The following CEP20 variants were observed in gnomAD, a reference collection of about 807,000 sequenced individuals.
CEP20 encodes the protein FGFR1OP N-terminal like.
In CEP20, 18 loss-of-function variants were observed where a neutral mutation model predicts 20.0. That is an observed-to-expected ratio of 0.90 (90% CI 0.62 to 1.34). The LOEUF (loss-of-function observed/expected upper bound fraction) is 1.34, where lower values mean the gene tolerates loss of function less well. CEP20 is among the 40% of genes most tolerant of loss of function. CEP20 has a pLI of 0.00. For synonymous variants in CEP20, 77 were observed against 73.7 expected (o/e 1.04, Z -0.23); for missense variants, 215 against 201.6 (o/e 1.07, Z -0.40).
chr16:15,874,174 GC>G (rs1181602183), intron 3 of CEP20, among the ~76,000 whole-genome samples: 1 of 152,170 alleles, frequency 6.6e-6, no homozygotes, highest in Non-Finnish European at 1.5e-5. Context: ...CCCTTATAGG[GC>G]TGTTATGCAC....
chr16:15,884,295 G>A, intron 1 of CEP20, 90 bp from the exon 2 acceptor site: 1 of 1,261,854 alleles, frequency 7.9e-7, no homozygotes, highest in Non-Finnish European at 1.1e-6. Flanking sequence ...AAAGGTAAAT[G>A]GTACAAAAAC....
At chr16:15,883,967 G>A (rs2045174687) in intron 2 of CEP20, 41 bp downstream of exon 2, 2 of 1,522,600 alleles carry the variant, frequency 1.3e-6, no homozygotes, top group Non-Finnish European at 1.8e-6. Flanking sequence ...ATTGGGGAAA[G>A]GGGAGAAACA....
chr16:15,872,996 A>C (rs1467026606), intron 4 of CEP20, among the ~76,000 whole-genome samples: 1 of 152,048 alleles, frequency 6.6e-6, no homozygotes, highest in Non-Finnish European at 1.5e-5. Context: ...ACTTGATAAA[A>C]AGCTATTTAT....
intron 3 of CEP20, among the ~76,000 whole-genome samples, chr16:15,878,941 G>A (rs895466199): frequency 4.6e-5 from 7 of 151,448 alleles, no homozygotes; most frequent in Admixed American, 6.6e-5. Flanking sequence ...ATGAGAAAAC[G>A]TAAGGCTTCA....
At position 15,873,599 on chromosome 16, in the gene CEP20, A is replaced by C; in HGVS notation, c.340T>G (p.Phe114Val). The C allele has an allele frequency of 6.2e-7, 1 of 1,614,010 alleles. No homozygotes were observed. The highest frequency in any genetic ancestry group is 8.5e-7 in the Non-Finnish European group (1 of 1,179,898). ...IPLLYGILAH[F>V]LRGTKDGIQN... ...ATGCCATCCTTAGTTCCACGCAAGA[A>C]ATGGGCTAAAATCCCATATAAAAGA... The change falls in exon 4 of 5, where the codon TTC (phenylalanine) becomes GTC (valine). Residue 114 changes from phenylalanine (F) to valine (V), a missense_variant. Transcript: ENST00000255759.
intron 3 of CEP20, among the ~76,000 whole-genome samples, chr16:15,875,570 G>A (rs949216596): frequency 6.6e-6 from 1 of 152,198 alleles, no homozygotes; most frequent in South Asian, 2.1e-4. Flanking sequence ...AGGATCGCTT[G>A]AGTGCAGAAG....
Position 15,888,533 on chromosome 16 carries a change from T to G in CEP20, c.28+25A>C, listed in dbSNP as rs113574900. 12 of 1,614,088 alleles carry G rather than the reference T, an allele frequency of 7.4e-6. No individual in the cohort carries two copies. The African/African-American group carries it at 9.3e-5, about 13-fold the overall frequency. ...AGATGAAGGCCCGACGCTTCCCATG[T>G]GGAGGCCTCCCTGCTCGCACTCACC... On this transcript the variant is annotated intron_variant, in intron 1 of 4. Transcript: ENST00000255759.
At chr16:15,882,074 T>A (rs999448752) in intron 2 of CEP20, among the ~76,000 whole-genome samples, 34 of 152,264 alleles carry the variant, frequency 2.2e-4, no homozygotes, top group African/African-American at 7.5e-4. Flanking sequence ...GAGTGGGTTC[T>A]CATGAGAACA....
intron 3 of CEP20, among the ~76,000 whole-genome samples, chr16:15,877,595 C>T (rs956517465): frequency 2.6e-5 from 4 of 152,082 alleles, no homozygotes; most frequent in African/African-American, 9.7e-5. Flanking sequence ...GGTAAAACAC[C>T]ATTTCTAAAA....
intron 4 of CEP20, among the ~76,000 whole-genome samples, chr16:15,870,970 G>C (rs1432073580): frequency 1.3e-5 from 2 of 152,028 alleles, no homozygotes; most frequent in African/African-American, 4.8e-5. Context: ...AGTCCCGAAG[G>C]GGCTGGGCAT....
At chr16:15,875,143 GAAT>G (rs2044913197) in intron 3 of CEP20, among the ~76,000 whole-genome samples, 1 of 152,006 alleles carries the variant, frequency 6.6e-6, no homozygotes, top group African/African-American at 2.4e-5. Flanking sequence ...CCAAATTCTG[GAAT>G]AATATCACAC....
intron 4 of CEP20, 23 bp downstream of exon 4, chr16:15,873,468 G>C: frequency 1.3e-6 from 2 of 1,597,146 alleles, no homozygotes; most frequent in Non-Finnish European, 1.7e-6. Flanking sequence ...ACAGCTAAAT[G>C]ATGAATCTTG....
intron 3 of CEP20, among the ~76,000 whole-genome samples, chr16:15,875,692 A>G (rs1256031588): frequency 6.6e-6 from 1 of 152,206 alleles, no homozygotes. Context: ...TGAAATGCAA[A>G]ATTCTGAAAA....
intron 2 of CEP20, among the ~76,000 whole-genome samples, chr16:15,881,887 C>T (rs897074240): frequency 6.6e-6 from 1 of 152,172 alleles, no homozygotes. Context: ...CAATATCATT[C>T]TCTGCCTCCT....
intron 3 of CEP20, 47 bp from the exon 4 acceptor site, chr16:15,873,674 C>T (rs1343969354): frequency 2.6e-6 from 4 of 1,558,912 alleles, no homozygotes; most frequent in South Asian, 1.2e-5. Context: ...AATAAATCTG[C>T]ATAAACGGGA....
At chr16:15,868,729 C>A (rs980549294) in intron 4 of CEP20, among the ~76,000 whole-genome samples, 21 of 152,082 alleles carry the variant, frequency 1.4e-4, no homozygotes, top group African/African-American at 5.1e-4. Flanking sequence ...ATGGAAATCT[C>A]TCTCCCTTTA....
At position 15,867,353 on chromosome 16, in the gene CEP20, G is replaced by C; in HGVS notation, c.*87C>G. ...GAAACTCCAATTTCTACAAACATTA[G>C]TGGTGCATTTTGGTAACATTGGGAC... On this transcript the variant is annotated 3_prime_UTR_variant, in exon 5 of 5. Transcript: ENST00000255759. 1 of 949,980 alleles carries C rather than the reference G, an allele frequency of 1.1e-6. No homozygotes were observed. Among genetic ancestry groups the C allele is most frequent in the South Asian group, 2.4e-5 (1 of 42,260 alleles). 58.8% of individuals were successfully genotyped at this position (949,980 alleles called of 1,614,324 possible). A position where few individuals can be genotyped will look rare whatever the true frequency, so the allele number is the denominator to read the frequency against.
At chr16:15,869,867 C>G (rs2044771768) in intron 4 of CEP20, among the ~76,000 whole-genome samples, 1 of 152,116 alleles carries the variant, frequency 6.6e-6, no homozygotes, top group Non-Finnish European at 1.5e-5. Context: ...GAGGTTGTGT[C>G]AATAAAATTT....
chr16:15,867,312 T>C lies in CEP20; in HGVS notation c.*128A>G, dbSNP rs1298871171. ...TTTTATTCACAAATGTAGTTAAACA[T>C]GAGGGGTGTTTTGTAGAAACTCCAA... is the stretch of plus-strand genomic sequence containing the variant. On this transcript the variant is annotated 3_prime_UTR_variant, in exon 5 of 5. Transcript: ENST00000255759. The C allele has an allele frequency of 3.7e-6, 2 of 544,352 alleles. No individual in the cohort carries two copies. The highest frequency in any genetic ancestry group is 1.9e-5 in the African/African-American group (1 of 52,796). 33.7% of individuals were successfully genotyped at this position (544,352 alleles called of 1,614,324 possible). A position where few individuals can be genotyped will look rare whatever the true frequency, so the allele number is the denominator to read the frequency against.
Sources: gnomAD v4.1 joint callset for allele counts (sites outside exome capture counted in the v4.1 genomes callset) on GRCh38, gnomAD v4.1.1 for gene constraint, MANE v1.5 for transcripts, NCBI Gene and HGNC (gene_info 2026-07-23, HGNC 2026-07-21) for gene names.